Variants in CLINT1 observed in about 807,000 individuals in gnomAD.
CLINT1 encodes the protein clathrin interactor 1.
Under a neutral mutation model 70.4 loss-of-function variants are expected in CLINT1, and 15 were observed. That is an observed-to-expected ratio of 0.21 (90% confidence interval 0.14 to 0.33). CLINT1 has a LOEUF of 0.33. CLINT1 is among the 10% of genes least tolerant of loss of function. The pLI is 1.00. For missense variants in CLINT1, 615 were observed against 778.1 expected (o/e 0.79, Z 2.49); for synonymous variants, 227 against 254.7 (o/e 0.89, Z 1.04).
chr5:157,856,546 C>T (rs1170513541), intron 1 of CLINT1, among the ~76,000 whole-genome samples: 1 of 152,120 alleles, frequency 6.6e-6, no homozygotes, highest in African/African-American at 2.4e-5. Context: ...ATAATCAGAC[C>T]AACCATTCTA....
intron 1 of CLINT1, among the ~76,000 whole-genome samples, chr5:157,834,146 C>T (rs1763339565): frequency 6.6e-6 from 1 of 151,272 alleles, no homozygotes; most frequent in Non-Finnish European, 1.5e-5. Flanking sequence ...ATTGCCTAAG[C>T]TCAGTTCAGG....
chr5:157,809,878 C>G, intron 5 of CLINT1, 73 bp from the exon 6 acceptor site: 2 of 1,396,600 alleles, frequency 1.4e-6, no homozygotes, highest in Non-Finnish European at 2.0e-6. Context: ...GTCCTTATTT[C>G]TCAGGCTTTT....
At chr5:157,793,374 G>A (rs1761974534) in intron 9 of CLINT1, among the ~76,000 whole-genome samples, 1 of 152,142 alleles carries the variant, frequency 6.6e-6, no homozygotes, top group South Asian at 2.1e-4. Context: ...GGCAAAATGT[G>A]TTGCCCCACC....
At chr5:157,788,733 C>G (rs1168324853) in intron 11 of CLINT1, among the ~76,000 whole-genome samples, 1 of 151,958 alleles carries the variant, frequency 6.6e-6, no homozygotes, top group East Asian at 1.9e-4. Context: ...TTTGGGAGGC[C>G]AAGGCGAGTG....
intron 7 of CLINT1, 119 bp downstream of exon 7, chr5:157,805,747 C>T (rs1762365830): frequency 8.1e-7 from 1 of 1,240,300 alleles, no homozygotes; most frequent in Non-Finnish European, 1.1e-6. Flanking sequence ...TAATACATGC[C>T]AGATGATCCA....
At position 157,813,120 on chromosome 5, in the gene CLINT1, T is replaced by G; in HGVS notation, c.460A>C (p.Lys154Gln). ...RLREERKKAK[K>Q]NKDKYVGVSS... is the part of the protein sequence containing the mutation. ...ACCCCAACATACTTGTCTTTGTTCT[T>G]CTTTGCTTTCTTTCGCTCTTCACGA... Residue 154 changes from lysine to glutamine, a missense_variant, in exon 5 of 12, where the codon AAG becomes CAG. Lys to Gln is a moderately conservative substitution (Grantham distance 53). This residue lies in a region of CLINT1 where 241 missense variants were observed against 368.6 expected (regional missense o/e 0.65). Transcript: ENST00000411809. The G allele has an allele frequency of 6.2e-7, 1 of 1,613,952 alleles. No individual in the cohort carries two copies. Among genetic ancestry groups the G allele is most frequent in the Non-Finnish European group, 8.5e-7 (1 of 1,179,856 alleles).
chr5:157,813,847 C>CA (rs1762632415), intron 4 of CLINT1, among the ~76,000 whole-genome samples: 1 of 152,196 alleles, frequency 6.6e-6, no homozygotes, highest in Non-Finnish European at 1.5e-5. Context: ...ACCCCAGCTT[C>CA]AAACAGATGT....
intron 1 of CLINT1, among the ~76,000 whole-genome samples, chr5:157,829,272 AT>A (rs1472948488): frequency 6.6e-6 from 1 of 152,108 alleles, no homozygotes; most frequent in East Asian, 1.9e-4. Context: ...AACTCAAACT[AT>A]TTCTATTTCC....
chr5:157,806,761 A>T (rs1009423780), intron 6 of CLINT1, among the ~76,000 whole-genome samples: 3 of 152,228 alleles, frequency 2.0e-5, no homozygotes, highest in Non-Finnish European at 4.4e-5. Context: ...GCTTTCTAGA[A>T]AACAACTGTA....
chr5:157,825,266 T>A (rs1378035029), intron 1 of CLINT1, among the ~76,000 whole-genome samples: 1 of 152,166 alleles, frequency 6.6e-6, no homozygotes, highest in Non-Finnish European at 1.5e-5. Flanking sequence ...ATGACTATGC[T>A]GGATTATGCA....
chr5:157,841,399 C>T (rs1469389760), intron 1 of CLINT1, among the ~76,000 whole-genome samples: 1 of 151,134 alleles, frequency 6.6e-6, no homozygotes, highest in African/African-American at 2.5e-5. Context: ...AACCCCATCT[C>T]TACTGAAAAC....
intron 11 of CLINT1, 35 bp from the exon 12 acceptor site, chr5:157,788,027 C>T: frequency 6.6e-7 from 1 of 1,515,826 alleles, no homozygotes; most frequent in Non-Finnish European, 9.0e-7. Flanking sequence ...AACTTTACCA[C>T]AATAAATTTT....
intron 1 of CLINT1, among the ~76,000 whole-genome samples, chr5:157,835,284 T>C (rs1763379790): frequency 6.6e-6 from 1 of 152,162 alleles, no homozygotes; most frequent in South Asian, 2.1e-4. Context: ...CAGACATCAG[T>C]TATAGTGCTG....
At chr5:157,851,529 A>G (rs1251617880) in intron 1 of CLINT1, among the ~76,000 whole-genome samples, 2 of 151,906 alleles carry the variant, frequency 1.3e-5, no homozygotes, top group Non-Finnish European at 2.9e-5. Context: ...TTTCTACCAA[A>G]ATACAAAAAT....
At position 157,791,870 on chromosome 5, in the gene CLINT1, T is replaced by A; in HGVS notation, c.1213A>T (p.Ser405Cys). ...GGGCCTAGAGCTGATTGTGAGCCAC[T>A]AACAAGTTCTACCGCTGGCTGTGAG... Reference protein sequence around the residue: ...SASQPAVELVSGSQSALGPPP... With the variant: ...SASQPAVELVCGSQSALGPPP... Residue 405 changes from serine (S) to cysteine (C), a missense_variant, in exon 10 of 12, where the codon AGT (serine) becomes TGT (cysteine). Coordinates refer to ENST00000411809, the MANE Select transcript of CLINT1 (RefSeq NM_014666.4). 1 of 1,613,938 alleles carries A rather than the reference T, an allele frequency of 6.2e-7. No individual in the cohort carries two copies. Among genetic ancestry groups the A allele is most frequent in the East Asian group, 2.2e-5 (1 of 44,858 alleles).
chr5:157,848,508 A>AT lies in CLINT1; in HGVS notation c.41+10421dup, dbSNP rs879596346. Among the ~76,000 whole-genome samples the AT allele has an allele frequency of 3.6e-3, 524 of 144,196 alleles. 2 individuals are homozygous for AT. Among genetic ancestry groups the AT allele is most frequent in the African/African-American group, 8.0e-3 (314 of 39,466 alleles). The allele number at this position is 144,196 out of a possible 152,430, so 94.6% of individuals were successfully genotyped here. On this transcript the variant is annotated intron_variant, in intron 1 of 11. Coordinates refer to ENST00000411809, the MANE Select transcript of CLINT1 (RefSeq NM_014666.4). ...GCAGAGTTTTAGAGGACTGAATCCA[A>AT]TTTTTTTTTTTTTGAGGTGGAGTCT...
chr5:157,832,741 AAC>A (rs761335538), intron 1 of CLINT1, among the ~76,000 whole-genome samples: 4 of 152,158 alleles, frequency 2.6e-5, no homozygotes, highest in Non-Finnish European at 5.9e-5. Context: ...TGGCTTGAGC[AAC>A]ACTTGAGAGA....
At chr5:157,789,098 A>G (rs1301591727) in intron 11 of CLINT1, among the ~76,000 whole-genome samples, 2 of 152,120 alleles carry the variant, frequency 1.3e-5, no homozygotes, top group Non-Finnish European at 1.5e-5. Context: ...AAATCTGTAT[A>G]GCAAATTTTT....
chr5:157,809,343 C>A (rs1197363133), intron 6 of CLINT1: 1 of 281,360 alleles, frequency 3.6e-6, no homozygotes, highest in African/African-American at 2.2e-5. Flanking sequence ...ATAAGTGTAT[C>A]CATACTGGCT....
Sources: gnomAD v4.1 joint callset for allele counts (sites outside exome capture counted in the v4.1 genomes callset) on GRCh38, gnomAD v4.1.1 for gene constraint, gnomAD v4.1.1 regional missense constraint, MANE v1.5 for transcripts, NCBI Gene and HGNC (gene_info 2026-07-23, HGNC 2026-07-21) for gene names.